Variants in CBLN2 observed in about 807,000 individuals in gnomAD.
The protein encoded by CBLN2 is cerebellin-2.
CBLN2 carries 7 observed loss-of-function variants against 15.0 expected under a neutral mutation model. The observed-to-expected ratio is 0.47, with a 90% confidence interval of 0.27 to 0.88. CBLN2 has a LOEUF of 0.88. Ranked by LOEUF, CBLN2 falls within the 40% of genes least tolerant of loss-of-function variation. The probability of loss-of-function intolerance (pLI) is 0.14; values close to 1 mark genes in which losing one functional copy is unlikely to be tolerated. For missense variants in CBLN2, 242 were observed against 304.5 expected, an observed-to-expected ratio of 0.79 and a Z score of 1.53; for synonymous variants, 149 against 135.2, an observed-to-expected ratio of 1.10 and a Z score of -0.71.
chr18:72,616,585 T>C (rs891867347), intron 1 of CBLN2, among the ~76,000 whole-genome samples: 8 of 152,202 alleles, frequency 5.3e-5, no homozygotes, highest in Admixed American at 4.6e-4. Flanking sequence ...TGAGTATTTG[T>C]TTGAGTATGG....
intron 1 of CBLN2, among the ~76,000 whole-genome samples, chr18:72,557,475 T>C (rs959266115): frequency 6.6e-6 from 1 of 152,264 alleles, no homozygotes; most frequent in Non-Finnish European, 1.5e-5. Flanking sequence ...CCACAATGGT[T>C]GAAGTAATTT....
intron 1 of CBLN2, among the ~76,000 whole-genome samples, chr18:72,623,713 C>T (rs543987395): frequency 6.6e-6 from 1 of 152,230 alleles, no homozygotes; most frequent in South Asian, 2.1e-4. Flanking sequence ...CATGCATGCC[C>T]TCATATGAGA....
intron 1 of CBLN2, among the ~76,000 whole-genome samples, chr18:72,575,108 G>A (rs1209263821): frequency 1.3e-5 from 2 of 152,170 alleles, no homozygotes; most frequent in Admixed American, 6.6e-5. Flanking sequence ...GAACCTGGGA[G>A]GGTGCAAGTA....
intron 1 of CBLN2, among the ~76,000 whole-genome samples, chr18:72,596,018 A>G (rs966565815): frequency 2.6e-5 from 4 of 152,036 alleles, no homozygotes; most frequent in Admixed American, 6.6e-5. Flanking sequence ...TATGCAATGT[A>G]TTTATATGCA....
intron 1 of CBLN2, among the ~76,000 whole-genome samples, chr18:72,588,018 T>C (rs1009305921): frequency 7.2e-5 from 11 of 152,342 alleles, no homozygotes; most frequent in African/African-American, 2.6e-4. Context: ...TGCATTGTAT[T>C]TGAATAAGGC....
chr18:72,619,244 T>C (rs2069683569), intron 1 of CBLN2: 2 of 927,702 alleles, frequency 2.2e-6, no homozygotes, highest in Non-Finnish European at 3.3e-6. Context: ...GAAACAAAGC[T>C]TAGCAGGAGA....
intron 1 of CBLN2, among the ~76,000 whole-genome samples, chr18:72,583,067 T>C (rs985816688): frequency 2.0e-5 from 3 of 151,986 alleles, no homozygotes; most frequent in Non-Finnish European, 4.4e-5. Context: ...AAGTGAAGGA[T>C]GGAAGCTGGG....
At chr18:72,602,091 G>T (rs1201969336) in intron 1 of CBLN2, among the ~76,000 whole-genome samples, 3 of 152,214 alleles carry the variant, frequency 2.0e-5, no homozygotes, top group Admixed American at 2.0e-4. Context: ...ACTGCACCAG[G>T]CTTGTTTGGC....
At position 72,542,136 on chromosome 18, in the gene CBLN2, G is replaced by C; in HGVS notation, c.25C>G (p.Leu9Val). The C allele has an allele frequency of 7.4e-7, 1 of 1,345,356 alleles. No homozygotes were observed. Among genetic ancestry groups the C allele is most frequent in the Non-Finnish European group, 9.5e-7 (1 of 1,057,556 alleles). 83.3% of individuals were successfully genotyped at this position (1,345,356 alleles called of 1,614,324 possible). A position where few individuals can be genotyped will look rare whatever the true frequency, so the allele number is the denominator to read the frequency against. MQAPGRGPLGLRLMMPGRR... is the reference protein window; with the variant it reads MQAPGRGPVGLRLMMPGRR... ...CCGGGCATCATCAGCCGCAGCCCGAGTGGCCCCCGGCCGGGCGCCTGCATC... is the reference window on the plus strand; with the variant it reads ...CCGGGCATCATCAGCCGCAGCCCGACTGGCCCCCGGCCGGGCGCCTGCATC... Residue 9 changes from leucine (L) to valine (V), a missense_variant, in exon 3 of 5, where the codon CTC (leucine) becomes GTC (valine). Physicochemically the swap from Leu to Val is conservative, Grantham distance 32. Coordinates refer to ENST00000269503, the MANE Select transcript of CBLN2 (RefSeq NM_182511.4).
intron 3 of CBLN2, chr18:72,540,243 A>G (rs1466082994): frequency 1.3e-5 from 2 of 152,264 alleles, no homozygotes; most frequent in African/African-American, 4.8e-5. Flanking sequence ...CTTCACCTCA[A>G]TTTTACATTC....
intron 1 of CBLN2, chr18:72,630,994 C>T (rs191051691): frequency 4.6e-5 from 7 of 152,164 alleles, no homozygotes; most frequent in African/African-American, 7.2e-5. Flanking sequence ...TTTACGGTAA[C>T]GAAGAAAAAT....
rs142615478 is a variant in CBLN2, at chr18:72,574,281, T to G, written c.16-35509A>C. Reference sequence around the variant, plus strand: ...TCTTCTCAGATCAGAATTTTTTAAATTTTAATCAAGTTTTACGGATTGTGC... The same window carrying G: ...TCTTCTCAGATCAGAATTTTTTAAAGTTTAATCAAGTTTTACGGATTGTGC... On this transcript the variant is annotated intron_variant, in intron 1 of 2. Transcript: ENST00000581073. 1.5e-3 allele frequency among the ~76,000 whole-genome samples: 230 copies of G among 152,354 alleles called. 1 individual carries two copies. Among genetic ancestry groups the G allele is most frequent in the Non-Finnish European group, 2.8e-3 (193 of 68,038 alleles).
intron 1 of CBLN2, among the ~76,000 whole-genome samples, chr18:72,636,294 T>A (rs2069812009): frequency 6.6e-6 from 1 of 152,204 alleles, no homozygotes; most frequent in Non-Finnish European, 1.5e-5. Flanking sequence ...TTTTCTTCAC[T>A]CAGTACACCT....
At chr18:72,546,160 G>A (rs2069156274), upstream of CBLN2, among the ~76,000 whole-genome samples, 1 of 152,202 alleles carries the variant, frequency 6.6e-6, no homozygotes, top group Non-Finnish European at 1.5e-5. Context: ...AAAGTCGGCC[G>A]GGCGCGGTGG....
chr18:72,554,738 C>T (rs1261401090), intron 1 of CBLN2, among the ~76,000 whole-genome samples: 3 of 152,184 alleles, frequency 2.0e-5, no homozygotes, highest in African/African-American at 7.2e-5. Context: ...CAGGCAAAGT[C>T]CTCAATAAAA....
At chr18:72,572,096 A>G (rs2069336006) in intron 1 of CBLN2, among the ~76,000 whole-genome samples, 1 of 152,166 alleles carries the variant, frequency 6.6e-6, no homozygotes, top group Non-Finnish European at 1.5e-5. Context: ...TGTGGAGCCC[A>G]TAATCTAGGG....
chr18:72,568,291 C>T (rs1032919774), intron 1 of CBLN2, among the ~76,000 whole-genome samples: 18 of 152,262 alleles, frequency 1.2e-4, no homozygotes, highest in African/African-American at 3.9e-4. Context: ...CTTCATAAAA[C>T]TATGGAGACC....
chr18:72,538,190 C>T lies in CBLN2; in HGVS notation c.661G>A (p.Val221Met), dbSNP rs1217445210. 2 of 1,613,996 alleles carry T rather than the reference C, an allele frequency of 1.2e-6. No homozygotes were observed. Among genetic ancestry groups the T allele is most frequent in the Non-Finnish European group, 1.7e-6 (2 of 1,180,026 alleles). The change falls in exon 5 of 5, where the codon GTG becomes ATG. Residue 221 changes from valine (V) to methionine (M), a missense_variant. Coordinates refer to ENST00000269503, the MANE Select transcript of CBLN2 (RefSeq NM_182511.4). ...WKYSTFSGFL[V>M]FPL ...GGGCTCTGTGTTTATAGAGGAAACACCAAGAAGCCCGAGAATGTGGAGTAT... is the reference window on the plus strand; with the variant it reads ...GGGCTCTGTGTTTATAGAGGAAACATCAAGAAGCCCGAGAATGTGGAGTAT...
At chr18:72,613,397 A>C (rs923974444) in intron 1 of CBLN2, among the ~76,000 whole-genome samples, 2 of 152,194 alleles carry the variant, frequency 1.3e-5, no homozygotes, top group African/African-American at 4.8e-5. Flanking sequence ...CTCTGTCTCA[A>C]GAGTGCCTTT....
Sources: gnomAD v4.1 joint callset for allele counts (sites outside exome capture counted in the v4.1 genomes callset) on GRCh38, gnomAD v4.1.1 for gene constraint, MANE v1.5 for transcripts, NCBI Gene and HGNC (gene_info 2026-07-23, HGNC 2026-07-21) for gene names.